ATF6: variants seen among roughly 807,000 people sequenced by gnomAD.
ATF6 encodes activating transcription factor 6, also known as cyclic AMP-dependent transcription factor ATF-6 alpha.
In ATF6, 53 loss-of-function variants were observed where a neutral mutation model predicts 83.6. The observed-to-expected ratio is 0.63, with a 90% CI of 0.51 to 0.80. The LOEUF (loss-of-function observed/expected upper bound fraction) is 0.80, where lower values mean the gene tolerates loss of function less well. Among genes scored for constraint, ATF6 ranks in the 30% least tolerant of loss-of-function variants. The pLI, the probability that ATF6 is intolerant of heterozygous loss-of-function variation, is 0.00. For synonymous variants in ATF6, 288 were observed against 285.8 expected (o/e 1.01, Z -0.08); for missense variants, 744 against 797.9 (o/e 0.93, Z 0.81).
intron 1 of ATF6, among the ~76,000 whole-genome samples, chr1:161,772,518 C>T (rs1338405796): frequency 1.3e-5 from 2 of 152,172 alleles, no homozygotes; most frequent in East Asian, 3.8e-4. Context: ...CACCTATCAA[C>T]ATGTTTGCTT....
chr1:161,894,521 CTTTTTTTTTT>C (rs71093131), intron 14 of ATF6, among the ~76,000 whole-genome samples: 14 of 44,860 alleles, frequency 3.1e-4, no homozygotes, highest in African/African-American at 5.3e-4. Context: ...GTTTTGTAGT[CTTTTTTTTTT>C]TTTTTTTTTT....
chr1:161,947,807 C>T (rs1012530555), intron 15 of ATF6, among the ~76,000 whole-genome samples: 10 of 115,960 alleles, frequency 8.6e-5, no homozygotes, highest in Admixed American at 1.1e-4. Context: ...CCTTAAGCCA[C>T]GCCTTTTTTT....
intron 9 of ATF6, among the ~76,000 whole-genome samples, chr1:161,826,255 G>T (rs1685895273): frequency 1.3e-5 from 2 of 152,082 alleles, no homozygotes; most frequent in South Asian, 4.1e-4. Flanking sequence ...TGAATCAATA[G>T]AATTTTAGGA....
intron 6 of ATF6, among the ~76,000 whole-genome samples, chr1:161,801,052 C>T (rs1455817723): frequency 6.6e-6 from 1 of 152,028 alleles, no homozygotes. Context: ...ATACTTAGGA[C>T]CAGAAGTGTG....
chr1:161,792,130 G>A lies in ATF6; in HGVS notation c.491G>A (p.Gly164Glu). ...VTGPRNKTEN[G>E]LTPKKKIQVN... ...TTGTCTGGTTTTTCTCCAGAAAATG[G>A]ACTGACTCCAAAGAAAAAAATTCAG... The change falls in exon 6 of 16, where the codon GGA (glycine) becomes GAA (glutamate). Residue 164 changes from glycine (G) to glutamate (E), a missense_variant. Coordinates refer to ENST00000367942, the MANE Select transcript of ATF6 (RefSeq NM_007348.4). 6.2e-6 allele frequency: 10 copies of A among 1,613,576 alleles called. No individual in the cohort carries two copies. The highest frequency in any genetic ancestry group is 8.5e-6 in the Non-Finnish European group (10 of 1,179,952).
rs149214520 is a variant in ATF6 at position 161,886,712 on chromosome 1, C to T, written c.1719+23400C>T. ...TTGACAGACACATCATTATGTGGTG[C>T]GTAAGTGTACTTATAGTTTTACAAC... On this transcript the variant is annotated intron_variant, in intron 14 of 15. Coordinates refer to ENST00000367942, the MANE Select transcript of ATF6 (RefSeq NM_007348.4). Among the ~76,000 whole-genome samples the T allele has an allele frequency of 5.0e-4, 76 of 152,246 alleles. No homozygotes were observed. In the Middle Eastern group the frequency reaches 0.014, roughly 27 times the overall value.
rs199848647 is a variant in ATF6, at chr1:161,784,050, C to T, written c.308C>T (p.Ser103Leu). 6.4e-5 allele frequency: 103 copies of T among 1,613,794 alleles called. 1 individual carries two copies. In the African/African-American group the frequency reaches 1.0e-3, roughly 16 times the overall value. ...CCAGCCTCCTCAAGTTATTCAGTCTCGTCTCCTCGGTCAGTGGACTCTTAT... is the reference window on the plus strand; with the variant it reads ...CCAGCCTCCTCAAGTTATTCAGTCTTGTCTCCTCGGTCAGTGGACTCTTAT... ...LSPASSSYSV[S>L]SPRSVDSYSS... is the part of the protein sequence containing the mutation. Residue 103 changes from serine to leucine, a missense_variant, in exon 4 of 16, where the codon TCG becomes TTG. Ser to Leu is a moderately radical substitution (Grantham distance 145). Coordinates refer to ENST00000367942, the MANE Select transcript of ATF6 (RefSeq NM_007348.4).
At chr1:161,868,804 A>G (rs1558003722) in intron 14 of ATF6, among the ~76,000 whole-genome samples, 2 of 150,868 alleles carry the variant, frequency 1.3e-5, no homozygotes, top group Non-Finnish European at 3.0e-5. Context: ...GCCAGATATC[A>G]TCAGCTTATT....
At chr1:161,822,792 A>G (rs959174354) in intron 9 of ATF6, among the ~76,000 whole-genome samples, 2 of 152,214 alleles carry the variant, frequency 1.3e-5, no homozygotes, top group Non-Finnish European at 1.5e-5. Flanking sequence ...TCTCTGAGAA[A>G]GAGGTGATTG....
chr1:161,870,714 A>G (rs1687103453), intron 14 of ATF6, among the ~76,000 whole-genome samples: 1 of 151,776 alleles, frequency 6.6e-6, no homozygotes, highest in Non-Finnish European at 1.5e-5. Context: ...TACACTTTTC[A>G]ATCACAAAGT....
rs534383425 is a variant in ATF6 at position 161,860,409 on chromosome 1, G to T, written c.1604+132G>T. The T allele has an allele frequency of 7.7e-4, 200 of 260,326 alleles. 3 individuals carry two copies. In the South Asian group the frequency reaches 0.01, roughly 14 times the overall value. The allele number at this position is 260,326 out of a possible 1,614,324, so 16.1% of individuals were successfully genotyped here. ...GTTTTATATTAGTCATATACTCTAA[G>T]ATATATATATATATGTATATATATA... On this transcript the variant is annotated intron_variant, in intron 13 of 15. Coordinates refer to ENST00000367942, the MANE Select transcript of ATF6 (RefSeq NM_007348.4).
intron 14 of ATF6, among the ~76,000 whole-genome samples, chr1:161,869,953 C>T (rs988936915): frequency 5.9e-5 from 9 of 151,590 alleles, no homozygotes; most frequent in Admixed American, 5.3e-4. Flanking sequence ...GATTAAGTAG[C>T]TTATCTAAGG....
At chr1:161,827,946 G>C (rs1242333760) in intron 9 of ATF6, among the ~76,000 whole-genome samples, 1 of 152,086 alleles carries the variant, frequency 6.6e-6, no homozygotes, top group African/African-American at 2.4e-5. Context: ...TCAAGGAGCT[G>C]GCCCACTCTG....
intron 14 of ATF6, among the ~76,000 whole-genome samples, chr1:161,911,313 AT>A (rs755973555): frequency 2.5e-4 from 38 of 152,212 alleles, no homozygotes; most frequent in Non-Finnish European, 4.6e-4. Context: ...AACAGTTCAT[AT>A]GTTTTTGCTA....
chr1:161,938,045 A>T (rs1044485773), intron 15 of ATF6, among the ~76,000 whole-genome samples: 1 of 151,734 alleles, frequency 6.6e-6, no homozygotes, highest in Non-Finnish European at 1.5e-5. Context: ...TGCTTTTCTG[A>T]CCTCATTTTC....
At chr1:161,948,653 T>A (rs1319046478) in intron 15 of ATF6, among the ~76,000 whole-genome samples, 1 of 152,240 alleles carries the variant, frequency 6.6e-6, no homozygotes, top group Non-Finnish European at 1.5e-5. Context: ...GAGATTGAAT[T>A]CACGATCTCA....
chr1:161,787,877 A>C (rs1484495212), intron 4 of ATF6, among the ~76,000 whole-genome samples: 1 of 152,222 alleles, frequency 6.6e-6, no homozygotes, highest in Non-Finnish European at 1.5e-5. Context: ...GCATTATAGT[A>C]GATATCTTTA....
chr1:161,793,727 AT>A (rs1557963370), intron 6 of ATF6, among the ~76,000 whole-genome samples: 1 of 152,226 alleles, frequency 6.6e-6, no homozygotes, highest in African/African-American at 2.4e-5. Context: ...ATCATTGACT[AT>A]GTTTGAGTGA....
intron 1 of ATF6, among the ~76,000 whole-genome samples, chr1:161,769,691 GGTCT>G (rs2101710970): frequency 6.6e-6 from 1 of 152,058 alleles, no homozygotes; most frequent in East Asian, 1.9e-4. Context: ...GCAACTAGAT[GGTCT>G]CATCTGGGGG....
Sources: gnomAD v4.1 joint callset for allele counts (sites outside exome capture counted in the v4.1 genomes callset) on GRCh38, gnomAD v4.1.1 for gene constraint, MANE v1.5 for transcripts, NCBI Gene and HGNC (gene_info 2026-07-23, HGNC 2026-07-21) for gene names.